The following SYT1 variants were observed in gnomAD, a reference collection of about 807,000 sequenced individuals.
The protein encoded by SYT1 is synaptotagmin-1.
Under a neutral mutation model 44.8 loss-of-function variants are expected in SYT1, and 8 were observed. The observed-to-expected ratio is 0.18, with a 90% CI of 0.10 to 0.32. SYT1 has a LOEUF of 0.32. Among genes scored for constraint, SYT1 ranks in the 10% least tolerant of loss-of-function variants. SYT1 has a pLI of 1.00. For synonymous variants in SYT1, 154 were observed against 188.8 expected (o/e 0.82, Z 1.51); for missense variants, 286 against 509.3 (o/e 0.56, Z 4.22).
chr12:79,211,726 T>A (rs1337125661), intron 3 of SYT1, among the ~76,000 whole-genome samples: 2 of 151,904 alleles, frequency 1.3e-5, no homozygotes, highest in Non-Finnish European at 2.9e-5. Flanking sequence ...TTACTGAGAA[T>A]GATGATTTCC....
rs373412957 is a variant in SYT1, at chr12:79,094,737, G to C, written c.-18+47375G>C. On this transcript the variant is annotated intron_variant, in intron 3 of 10. Transcript: ENST00000261205. Reference sequence around the variant, plus strand: ...AGTATATAGTTCCATTTTAGCTTAGGAGAGAAGGCAAAGAAATTCTTATTA... The same window carrying C: ...AGTATATAGTTCCATTTTAGCTTAGCAGAGAAGGCAAAGAAATTCTTATTA... Among the ~76,000 whole-genome samples the C allele has an allele frequency of 7.2e-5, 11 of 151,814 alleles. 1 individual carries two copies. In the East Asian group the frequency reaches 7.8e-4, roughly 11 times the overall value.
At chr12:79,009,037 A>T (rs547819783) in intron 2 of SYT1, among the ~76,000 whole-genome samples, 57 of 152,202 alleles carry the variant, frequency 3.7e-4, no homozygotes, top group African/African-American at 4.8e-4. Context: ...TGATTGTTCC[A>T]TTTAGTGGCC....
At chr12:78,898,146 G>A (rs1436178680) in intron 1 of SYT1, among the ~76,000 whole-genome samples, 3 of 149,530 alleles carry the variant, frequency 2.0e-5, no homozygotes, top group East Asian at 1.9e-4. Context: ...GTAGAATGTT[G>A]AGCAAATTAC....
intron 8 of SYT1, among the ~76,000 whole-genome samples, chr12:79,304,333 G>T (rs1880289526): frequency 6.6e-6 from 1 of 152,160 alleles, no homozygotes; most frequent in African/African-American, 2.4e-5. Context: ...TACAAATGAA[G>T]GTTAAAGTAT....
At chr12:79,008,691 T>C (rs1385231829) in intron 2 of SYT1, among the ~76,000 whole-genome samples, 1 of 152,112 alleles carries the variant, frequency 6.6e-6, no homozygotes, top group Non-Finnish European at 1.5e-5. Flanking sequence ...ATTTCCAGGA[T>C]CCTGGAATCA....
chr12:79,123,325 G>GTGTGTGTT (rs1868312524), intron 3 of SYT1, among the ~76,000 whole-genome samples: 1 of 151,272 alleles, frequency 6.6e-6, no homozygotes, highest in Non-Finnish European at 1.5e-5. Context: ...GTGTGTGTGT[G>GTGTGTGTT]TGTGTGTGTG....
chr12:79,049,534 T>G (rs1334382842), intron 3 of SYT1, among the ~76,000 whole-genome samples: 1 of 152,006 alleles, frequency 6.6e-6, no homozygotes, highest in African/African-American at 2.4e-5. Context: ...TCAGATATTG[T>G]GAAGAGGAAT....
intron 2 of SYT1, among the ~76,000 whole-genome samples, chr12:79,016,205 C>T (rs866535844): frequency 3.7e-4 from 57 of 152,172 alleles, no homozygotes; most frequent in African/African-American, 5.1e-4. Flanking sequence ...TTCACTATCA[C>T]AGCATCTGTG....
intron 1 of SYT1, among the ~76,000 whole-genome samples, chr12:78,936,092 A>G (rs1878041626): frequency 1.3e-5 from 2 of 152,158 alleles, no homozygotes; most frequent in Admixed American, 1.3e-4. Flanking sequence ...AAAATCAATT[A>G]TTGAGATCCA....
At chr12:79,312,510 T>G (rs1489456156) in intron 8 of SYT1, among the ~76,000 whole-genome samples, 1 of 152,066 alleles carries the variant, frequency 6.6e-6, no homozygotes, top group Non-Finnish European at 1.5e-5. Context: ...GAATTTTCCC[T>G]TTTGATAAAA....
chr12:79,418,046 T>A (rs1868866214), intron 9 of SYT1, among the ~76,000 whole-genome samples: 1 of 152,132 alleles, frequency 6.6e-6, no homozygotes, highest in African/African-American at 2.4e-5. Flanking sequence ...ACACAAAGCG[T>A]CCTCTTTCTA....
At chr12:79,299,240 T>A in intron 7 of SYT1, 144 bp from the exon 8 acceptor site, 2 of 866,158 alleles carry the variant, frequency 2.3e-6, no homozygotes, top group South Asian at 3.6e-5. Context: ...TTGTCAAAAG[T>A]CTGAATTTAA....
intron 9 of SYT1, among the ~76,000 whole-genome samples, chr12:79,440,713 C>T (rs1870359855): frequency 6.6e-6 from 1 of 151,804 alleles, no homozygotes; most frequent in Non-Finnish European, 1.5e-5. Flanking sequence ...CAGAACAACC[C>T]CTAAAACAGA....
intron 9 of SYT1, among the ~76,000 whole-genome samples, chr12:79,381,919 C>T (rs1414298158): frequency 1.3e-5 from 2 of 152,022 alleles, no homozygotes; most frequent in South Asian, 2.1e-4. Context: ...CTGGGCTTGC[C>T]TCAGAGGGGC....
intron 8 of SYT1, among the ~76,000 whole-genome samples, chr12:79,318,129 T>G (rs559438089): frequency 6.6e-6 from 1 of 152,246 alleles, no homozygotes; most frequent in African/African-American, 2.4e-5. Context: ...TATAAAGAGA[T>G]GTATAGAAAT....
rs542384668 is a variant in SYT1, at chr12:78,929,046, T to C, written c.-216-48753T>C. Among the ~76,000 whole-genome samples the C allele has an allele frequency of 3.9e-5, 6 of 152,162 alleles. No individual in the cohort carries two copies. In the East Asian group the frequency reaches 1.2e-3, roughly 29 times the overall value. On this transcript the variant is annotated intron_variant, in intron 1 of 10. Coordinates refer to ENST00000261205, the MANE Select transcript of SYT1 (RefSeq NM_005639.3). ...AACTAAAAAAAAGATGGTAGAAAAT[T>C]ACATATAGTTTTATTTTATGTCTTA...
chr12:79,078,200 T>TG (rs763753078), intron 3 of SYT1, among the ~76,000 whole-genome samples: 1 of 152,150 alleles, frequency 6.6e-6, no homozygotes, highest in Non-Finnish European at 1.5e-5. Context: ...AGAGCAATGT[T>TG]GGGGAAGAAG....
At chr12:78,974,366 A>C (rs1044118453) in intron 1 of SYT1, among the ~76,000 whole-genome samples, 5 of 152,078 alleles carry the variant, frequency 3.3e-5, no homozygotes, top group African/African-American at 9.7e-5. Context: ...ATTACTTATA[A>C]ATTAAGAAAA....
intron 1 of SYT1, among the ~76,000 whole-genome samples, chr12:78,900,756 T>C (rs976511715): frequency 2.5e-4 from 38 of 152,116 alleles, no homozygotes; most frequent in African/African-American, 8.4e-4. Flanking sequence ...TTGGTACTAT[T>C]TATAATTTTA....
Sources: gnomAD v4.1 joint callset for allele counts (sites outside exome capture counted in the v4.1 genomes callset) on GRCh38, gnomAD v4.1.1 for gene constraint, MANE v1.5 for transcripts, NCBI Gene and HGNC (gene_info 2026-07-23, HGNC 2026-07-21) for gene names.